The following YEATS2 variants were observed in gnomAD, a reference collection of about 807,000 sequenced individuals.
The protein encoded by YEATS2 is YEATS domain containing 2.
YEATS2 carries 77 observed loss-of-function variants against 163.2 expected under a neutral mutation model. That is an observed-to-expected ratio of 0.47 (90% CI 0.39 to 0.57). YEATS2 has a LOEUF of 0.57. Ranked by LOEUF, YEATS2 falls within the 20% of genes least tolerant of loss-of-function variation. YEATS2 has a pLI of 0.00. For missense variants in YEATS2, 1,549 were observed against 1,729.8 expected, an observed-to-expected ratio of 0.90 and a Z score of 1.85; for synonymous variants, 631 against 645.1, an observed-to-expected ratio of 0.98 and a Z score of 0.33.
intron 10 of YEATS2, 134 bp from the exon 11 acceptor site, chr3:183,753,992 T>A: frequency 9.1e-7 from 1 of 1,093,780 alleles, no homozygotes; most frequent in Admixed American, 2.7e-5. Flanking sequence ...GGATGATTGA[T>A]TGTATTTATT....
chr3:183,716,796 T>A (rs1479028891), intron 2 of YEATS2, among the ~76,000 whole-genome samples: 2 of 152,188 alleles, frequency 1.3e-5, no homozygotes, highest in Admixed American at 6.5e-5. Context: ...CTATTCTTTT[T>A]CTTGGTGTCC....
intron 21 of YEATS2, among the ~76,000 whole-genome samples, chr3:183,794,882 T>C (rs1203693793): frequency 6.6e-6 from 1 of 151,898 alleles, no homozygotes; most frequent in Non-Finnish European, 1.5e-5. Flanking sequence ...GAAGACCCCA[T>C]CTAGGGGCTG....
At chr3:183,701,147 TCTCAG>T (rs1489307006) in intron 1 of YEATS2, among the ~76,000 whole-genome samples, 1 of 142,518 alleles carries the variant, frequency 7.0e-6, no homozygotes, top group African/African-American at 2.6e-5. Flanking sequence ...AGTGGCGCAA[TCTCAG>T]CTCTCTGCAA....
chr3:183,788,419 C>T (rs1443152596), intron 20 of YEATS2, among the ~76,000 whole-genome samples: 1 of 152,178 alleles, frequency 6.6e-6, no homozygotes, highest in African/African-American at 2.4e-5. Flanking sequence ...CTTTCTGTGC[C>T]TGGCTTATTT....
At position 183,718,015 on chromosome 3, in the gene YEATS2, A is replaced by G. The variant is rs538922655; in HGVS notation, c.198+267A>G. ...TAGCACAGCAGGGTGACTACAGTCA[A>G]CAATAATTTATTGTACATTTAAAAA... is the stretch of plus-strand genomic sequence containing the variant. On this transcript the variant is annotated intron_variant, in intron 3 of 30. Coordinates refer to ENST00000305135, the MANE Select transcript of YEATS2 (RefSeq NM_018023.5). Among the ~76,000 whole-genome samples, 7 of 152,306 alleles carry G rather than the reference A, an allele frequency of 4.6e-5. No homozygotes were observed. In the South Asian group the frequency reaches 1.4e-3, roughly 32 times the overall value.
At chr3:183,808,247 T>C (rs1726427313) in intron 29 of YEATS2, 143 bp downstream of exon 29, 1 of 651,018 alleles carries the variant, frequency 1.5e-6, no homozygotes. Flanking sequence ...CTCTTTTTGT[T>C]TTTTTGTTTT....
intron 21 of YEATS2, among the ~76,000 whole-genome samples, chr3:183,797,099 T>A (rs1725220957): frequency 6.7e-6 from 1 of 150,364 alleles, no homozygotes; most frequent in African/African-American, 2.5e-5. Flanking sequence ...CGAAACACTG[T>A]CTCTACTAAA....
Position 183,724,426 on chromosome 3 carries a change from C to G in YEATS2, c.545C>G (p.Ser182Cys). The change falls in exon 6 of 31, where the codon TCT (serine) becomes TGT (cysteine). Residue 182 changes from serine (S) to cysteine (C), a missense_variant. Coordinates refer to ENST00000305135, the MANE Select transcript of YEATS2 (RefSeq NM_018023.5). ...RPSRNTGRDT[S>C]RITGSHKTEQ... ...GATTATGATTTTTTTCAGGATACTT[C>G]TAGAATTACTGGCTCCCATAAAACA... 6.2e-7 allele frequency: 1 copy of G among 1,611,174 alleles called. No individual in the cohort carries two copies. The highest frequency in any genetic ancestry group is 8.5e-7 in the Non-Finnish European group (1 of 1,178,552).
At chr3:183,795,670 C>G (rs2108500247) in intron 21 of YEATS2, among the ~76,000 whole-genome samples, 1 of 151,978 alleles carries the variant, frequency 6.6e-6, no homozygotes, top group East Asian at 1.9e-4. Flanking sequence ...AAGTGGCTAC[C>G]AGTAGGGAAC....
intron 21 of YEATS2, among the ~76,000 whole-genome samples, chr3:183,796,719 C>T (rs1310597356): frequency 6.6e-6 from 1 of 151,860 alleles, no homozygotes; most frequent in Non-Finnish European, 1.5e-5. Flanking sequence ...TGTTTCACAT[C>T]AAAACACGGA....
rs371372074 is a variant in YEATS2 at position 183,764,626 on chromosome 3, T to C, written c.1947+2347T>C. Among the ~76,000 whole-genome samples the C allele has an allele frequency of 2.0e-5, 3 of 151,816 alleles. No homozygotes were observed. In the East Asian group the frequency reaches 5.8e-4, roughly 30 times the overall value. ...GGAGTTCGAGATCAGGCCAACATAGTGAAACCCCGTCTATACTAAAAATAC... is the reference window on the plus strand; with the variant it reads ...GGAGTTCGAGATCAGGCCAACATAGCGAAACCCCGTCTATACTAAAAATAC... On this transcript the variant is annotated intron_variant, in intron 15 of 30. Transcript: ENST00000305135.
chr3:183,777,870 A>G (rs977527066), intron 19 of YEATS2, among the ~76,000 whole-genome samples, 170 bp downstream of exon 19: 17 of 152,190 alleles, frequency 1.1e-4, no homozygotes, highest in Non-Finnish European at 2.2e-4. Flanking sequence ...TGGGAAGCCA[A>G]GGTGGGTGGA....
intron 2 of YEATS2, among the ~76,000 whole-genome samples, chr3:183,715,551 GGTGTGCTAT>G (rs1171819091): frequency 2.6e-5 from 4 of 152,212 alleles, no homozygotes; most frequent in African/African-American, 9.6e-5. Flanking sequence ...TATGTATAAA[GGTGTGCTAT>G]AATCGTGAGA....
chr3:183,778,806 TTTC>T (rs1483256247), intron 19 of YEATS2, among the ~76,000 whole-genome samples: 5 of 152,194 alleles, frequency 3.3e-5, no homozygotes, highest in Non-Finnish European at 7.3e-5. Context: ...ATTGGTACTG[TTTC>T]TTAACTGTTT....
chr3:183,774,411 C>T (rs527690970), intron 17 of YEATS2, among the ~76,000 whole-genome samples: 1 of 152,200 alleles, frequency 6.6e-6, no homozygotes, highest in East Asian at 1.9e-4. Flanking sequence ...ACAATTTCTT[C>T]CCCAAACCAC....
chr3:183,744,347 C>T (rs547849832), intron 8 of YEATS2, among the ~76,000 whole-genome samples: 52 of 151,834 alleles, frequency 3.4e-4, no homozygotes, highest in Non-Finnish European at 5.7e-4. Flanking sequence ...AAACTCCTGA[C>T]CTCAGGTGAT....
At chr3:183,743,825 G>A (rs1196978366) in intron 8 of YEATS2, among the ~76,000 whole-genome samples, 1 of 152,092 alleles carries the variant, frequency 6.6e-6, no homozygotes, top group African/African-American at 2.4e-5. Flanking sequence ...CCAAAACTGG[G>A]CTAACTGAAG....
At chr3:183,768,558 TAA>T (rs764561310) in intron 15 of YEATS2, among the ~76,000 whole-genome samples, 15 of 152,018 alleles carry the variant, frequency 9.9e-5, no homozygotes, top group Non-Finnish European at 1.9e-4. Flanking sequence ...TTTTCTTTCA[TAA>T]ATATACAGAA....
chr3:183,701,814 A>G (rs528464779), intron 1 of YEATS2, among the ~76,000 whole-genome samples: 1 of 152,344 alleles, frequency 6.6e-6, no homozygotes, highest in East Asian at 1.9e-4. Flanking sequence ...GAAGCACTGC[A>G]GGTAAAGTTC....
Sources: gnomAD v4.1 joint callset for allele counts (sites outside exome capture counted in the v4.1 genomes callset) on GRCh38, gnomAD v4.1.1 for gene constraint, MANE v1.5 for transcripts, NCBI Gene and HGNC (gene_info 2026-07-23, HGNC 2026-07-21) for gene names.